PCDHA7: variants seen among roughly 807,000 people sequenced by gnomAD.
PCDHA7 encodes protocadherin alpha-7.
A neutral mutation model predicts 57.2 loss-of-function variants in PCDHA7; 37 were observed. The observed-to-expected ratio is 0.65, with a 90% CI of 0.50 to 0.85. PCDHA7 has a LOEUF of 0.85. Among genes scored for constraint, PCDHA7 ranks in the 40% least tolerant of loss-of-function variants. The pLI is 0.00. For missense variants in PCDHA7, 1,188 were observed against 1,241.8 expected (o/e 0.96, Z 0.65); for synonymous variants, 553 against 558.8 (o/e 0.99, Z 0.15).
chr5:140,850,082 G>A lies in PCDHA7; in HGVS notation c.2355+13344G>A. On this transcript the variant is annotated intron_variant, in intron 1 of 3. Coordinates refer to ENST00000525929, the MANE Select transcript of PCDHA7 (RefSeq NM_018910.3). ...AGCCGTTGGACCACGAGGAGCTGGA[G>A]CTGCTACAGTTCCAGGTGAGCGCGC... 2 of 1,596,634 alleles carry A rather than the reference G, an allele frequency of 1.3e-6. 1 individual carries two copies. Among genetic ancestry groups the A allele is most frequent in the Non-Finnish European group, 1.7e-6 (2 of 1,167,856 alleles).
At chr5:140,899,431 T>C (rs1271468350) in intron 1 of PCDHA7, among the ~76,000 whole-genome samples, 2 of 152,242 alleles carry the variant, frequency 1.3e-5, no homozygotes, top group Non-Finnish European at 2.9e-5. Context: ...AGGTCTTTTC[T>C]GCATCTATTG....
At chr5:140,879,676 C>G (rs539657930) in intron 1 of PCDHA7, among the ~76,000 whole-genome samples, 1 of 152,308 alleles carries the variant, frequency 6.6e-6, no homozygotes, top group South Asian at 2.1e-4. Flanking sequence ...AAACTGGGTG[C>G]TGTAAAACAG....
intron 1 of PCDHA7, chr5:140,871,192 G>A (rs1582019516): frequency 6.2e-7 from 1 of 1,613,668 alleles, no homozygotes; most frequent in South Asian, 1.1e-5. Context: ...GGATGTCAAC[G>A]TGTACCTGAT....
chr5:140,875,525 T>C, intron 1 of PCDHA7: 1 of 1,614,132 alleles, frequency 6.2e-7, no homozygotes, highest in Non-Finnish European at 8.5e-7. Flanking sequence ...CTGCTCTCGC[T>C]TCTGCTCCTT....
At chr5:140,841,405 C>G (rs2150314710) in intron 1 of PCDHA7, 2 of 1,612,994 alleles carry the variant, frequency 1.2e-6, no homozygotes, top group African/African-American at 1.3e-5. Context: ...AGGTGGGGAG[C>G]GGCCAGCTCC....
At chr5:140,931,852 G>A (rs1177917853) in intron 1 of PCDHA7, among the ~76,000 whole-genome samples, 1 of 151,728 alleles carries the variant, frequency 6.6e-6, no homozygotes, top group Admixed American at 6.6e-5. Flanking sequence ...AATAACAACA[G>A]GATTCTAGAA....
rs1172235906 is a variant in PCDHA7, at chr5:140,871,551, C to T, written c.2355+34813C>T. 10 of 1,494,576 alleles carry T rather than the reference C, an allele frequency of 6.7e-6. No homozygotes were observed. The Admixed American group carries it at 2.5e-4, about 38-fold the overall frequency. 92.6% of individuals were successfully genotyped at this position (1,494,576 alleles called of 1,614,324 possible). ...AGTGTATGTGAAATTATTTAAAATC[C>T]AGTTTTTTTTCACGGATTTTTTAAG... On this transcript the variant is annotated intron_variant, in intron 1 of 3. Transcript: ENST00000525929.
At chr5:140,911,785 T>C (rs1334155529) in intron 1 of PCDHA7, among the ~76,000 whole-genome samples, 1 of 152,180 alleles carries the variant, frequency 6.6e-6, no homozygotes, top group Non-Finnish European at 1.5e-5. Context: ...CTTAGCATTT[T>C]TGGGTCTAAT....
chr5:140,964,000 T>C (rs900134447), intron 1 of PCDHA7, among the ~76,000 whole-genome samples: 2 of 152,218 alleles, frequency 1.3e-5, no homozygotes, highest in African/African-American at 2.4e-5. Flanking sequence ...TACTGTGTTC[T>C]ACTTTTTAAT....
intron 1 of PCDHA7, chr5:140,841,651 G>A (rs2150320143): frequency 2.0e-5 from 32 of 1,614,034 alleles, no homozygotes; most frequent in Middle Eastern, 1.6e-4. Flanking sequence ...AGGTGATCGT[G>A]GACAGGCCGC....
Position 140,836,599 on chromosome 5 carries a change from T to A in PCDHA7, c.2216T>A (p.Leu739Gln), listed in dbSNP as rs1166723338. ...EGACSLVKPT[L>Q]VCSSAVGSWS... ...GCATGTAGTTTGGTAAAGCCCACTC[T>A]GGTGTGCTCCAGCGCGGTGGGGAGC... Residue 739 changes from leucine to glutamine, a missense_variant, in exon 1 of 4, where the codon CTG (leucine) becomes CAG (glutamine). By Grantham distance (113) the Leu-to-Gln change is moderately radical. This residue lies in a region of PCDHA7 where 892 missense variants were observed against 788.5 expected (regional missense o/e 1.13). Transcript: ENST00000525929. The A allele has an allele frequency of 6.2e-7, 1 of 1,613,608 alleles. No individual in the cohort carries two copies. The highest frequency in any genetic ancestry group is 1.7e-5 in the Admixed American group (1 of 59,976).
At chr5:140,877,947 G>A (rs1266600808) in intron 1 of PCDHA7, 2 of 1,351,230 alleles carry the variant, frequency 1.5e-6, no homozygotes, top group African/African-American at 1.5e-5. Context: ...TTAAACTATC[G>A]AATGTCTCAT....
chr5:140,982,154 G>A (rs1304368371), intron 2 of PCDHA7, among the ~76,000 whole-genome samples: 3 of 152,210 alleles, frequency 2.0e-5, no homozygotes, highest in East Asian at 1.9e-4. Flanking sequence ...CTTCAGTATC[G>A]AGATGTTAAA....
intron 1 of PCDHA7, among the ~76,000 whole-genome samples, chr5:140,942,287 G>A (rs1468201947): frequency 1.3e-5 from 2 of 152,102 alleles, no homozygotes; most frequent in African/African-American, 4.8e-5. Context: ...GCTCATGCCT[G>A]TAATCCTAGC....
intron 1 of PCDHA7, chr5:140,859,072 G>T (rs1168323371): frequency 6.6e-6 from 1 of 150,540 alleles, no homozygotes; most frequent in African/African-American, 2.4e-5. Flanking sequence ...AGTTGTAGTG[G>T]TACCTGTGTC....
At position 141,005,925 on chromosome 5, in the gene PCDHA7, T is replaced by C. The variant is rs368127914; in HGVS notation, c.2504-3702T>C. On this transcript the variant is annotated intron_variant, in intron 3 of 3. Transcript: ENST00000525929. ...TTGCACCACTGCACTTCAGCCTGGT[T>C]GACAGAGTGAGAACCTATCTCTAAC... 4.1e-4 allele frequency among the ~76,000 whole-genome samples: 62 copies of C among 151,990 alleles called. 1 individual carries two copies. The highest frequency in any genetic ancestry group is 1.4e-3 in the African/African-American group (59 of 41,476).
intron 1 of PCDHA7, chr5:140,856,843 T>G: frequency 6.3e-7 from 1 of 1,593,286 alleles, no homozygotes; most frequent in South Asian, 1.1e-5. Context: ...GGCTCAACGC[T>G]TCTGATTCGG....
intron 1 of PCDHA7, among the ~76,000 whole-genome samples, chr5:140,941,693 G>C (rs2093147737): frequency 6.6e-6 from 1 of 151,900 alleles, no homozygotes; most frequent in South Asian, 2.1e-4. Flanking sequence ...TTACCTCTTT[G>C]GGCTTAGCTT....
At chr5:140,848,437 A>C in intron 1 of PCDHA7, 1 of 1,473,718 alleles carries the variant, frequency 6.8e-7, no homozygotes, top group Non-Finnish European at 9.3e-7. Context: ...ACGAAATCAG[A>C]TGATTTCTTC....
Sources: gnomAD v4.1 joint callset for allele counts (sites outside exome capture counted in the v4.1 genomes callset) on GRCh38, gnomAD v4.1.1 for gene constraint, gnomAD v4.1.1 regional missense constraint, MANE v1.5 for transcripts, NCBI Gene and HGNC (gene_info 2026-07-23, HGNC 2026-07-21) for gene names.